PRKAR1B: variants seen among roughly 807,000 people sequenced by gnomAD.
PRKAR1B encodes the protein protein kinase cAMP-dependent type I regulatory subunit beta.
PRKAR1B carries 22 observed loss-of-function variants against 46.5 expected under a neutral mutation model. The observed-to-expected ratio is 0.47, with a 90% CI of 0.34 to 0.68. The LOEUF (loss-of-function observed/expected upper bound fraction) is 0.68. Ranked by LOEUF, PRKAR1B falls within the 30% of genes least tolerant of loss-of-function variation. The pLI, the probability that PRKAR1B is intolerant of heterozygous loss-of-function variation, is 0.01. For synonymous variants in PRKAR1B, 259 were observed against 217.7 expected (o/e 1.19, Z -1.67); for missense variants, 445 against 535.6 (o/e 0.83, Z 1.67).
chr7:603,707 TGGG>T (rs1781798609), intron 6 of PRKAR1B, among the ~76,000 whole-genome samples: 4 of 26,588 alleles, frequency 1.5e-4, no homozygotes, highest in African/African-American at 6.0e-4. Flanking sequence ...GTGGAGGGGA[TGGG>T]GGAGGAGGTG....
At chr7:658,922 G>A (rs917428989) in intron 4 of PRKAR1B, among the ~76,000 whole-genome samples, 5 of 152,112 alleles carry the variant, frequency 3.3e-5, no homozygotes, top group Admixed American at 6.5e-5. Context: ...AAATGCTGGG[G>A]TTATAGACAT....
In PRKAR1B at chr7:560,491, G is replaced by A. The variant is rs1778718598; in HGVS notation, c.892-9021C>T. 6.6e-6 allele frequency among the ~76,000 whole-genome samples: 1 copy of A among 152,126 alleles called. No homozygotes were observed. The highest frequency in any genetic ancestry group is 1.5e-5 in the Non-Finnish European group (1 of 68,020). Reference sequence around the variant, plus strand: ...CTAAAAGATTAAGCACAGCTGGAAAGGTGTTCAACACACGAGCTTAACCCA... The same window carrying A: ...CTAAAAGATTAAGCACAGCTGGAAAAGTGTTCAACACACGAGCTTAACCCA... On this transcript the variant is annotated intron_variant, in intron 9 of 10. Coordinates refer to ENST00000537384, the MANE Select transcript of PRKAR1B (RefSeq NM_001164760.2). This position sits in a 1 kb window ranked among gnomAD's most constrained non-coding sequence, Gnocchi z 4.2.
intron 6 of PRKAR1B, among the ~76,000 whole-genome samples, chr7:599,281 T>C (rs1265014544): frequency 6.6e-6 from 1 of 151,730 alleles, no homozygotes; most frequent in Non-Finnish European, 1.5e-5. Flanking sequence ...TCTTGTTGTG[T>C]TTCATTTTTT....
intron 4 of PRKAR1B, among the ~76,000 whole-genome samples, chr7:621,554 C>T (rs1029773440): frequency 3.9e-5 from 6 of 152,236 alleles, no homozygotes; most frequent in Non-Finnish European, 5.9e-5. Flanking sequence ...AAGGACTCCA[C>T]GTTTTCCACT....
intron 2 of PRKAR1B, among the ~76,000 whole-genome samples, chr7:708,816 G>A (rs1355015244): frequency 2.1e-5 from 3 of 144,540 alleles, no homozygotes; most frequent in Admixed American, 7.0e-5. Flanking sequence ...TTTCTGAGAC[G>A]GAGTCTCCCT....
chr7:555,883 C>A (rs766204055), intron 9 of PRKAR1B, among the ~76,000 whole-genome samples: 1 of 152,176 alleles, frequency 6.6e-6, no homozygotes, highest in Non-Finnish European at 1.5e-5. Context: ...GACGGGAGCC[C>A]GGGAGGCAGA....
At chr7:660,066 G>A (rs1167322374) in intron 4 of PRKAR1B, among the ~76,000 whole-genome samples, 2 of 152,010 alleles carry the variant, frequency 1.3e-5, no homozygotes, top group South Asian at 4.2e-4. Context: ...AGGTGCCGCC[G>A]CCTTGGGCTC....
chr7:622,941 C>A (rs1220352535), intron 4 of PRKAR1B, among the ~76,000 whole-genome samples: 2 of 152,134 alleles, frequency 1.3e-5, no homozygotes, highest in Non-Finnish European at 2.9e-5. Context: ...TGGGGAAGAA[C>A]CTCTCTCCAT....
intron 1 of PRKAR1B, among the ~76,000 whole-genome samples, chr7:716,020 A>G (rs1780870904): frequency 6.7e-6 from 1 of 148,954 alleles, no homozygotes; most frequent in Non-Finnish European, 1.5e-5. Flanking sequence ...CGGCCTAGCC[A>G]CATTCTTTAT....
At chr7:621,949 G>A (rs954191604) in intron 4 of PRKAR1B, among the ~76,000 whole-genome samples, 2 of 152,234 alleles carry the variant, frequency 1.3e-5, no homozygotes, top group African/African-American at 4.8e-5. Flanking sequence ...AGTGCTGCTA[G>A]AAGGGTCACA....
At chr7:562,347 C>T (rs1372475742) in intron 9 of PRKAR1B, among the ~76,000 whole-genome samples, 1 of 152,150 alleles carries the variant, frequency 6.6e-6, no homozygotes, top group Non-Finnish European at 1.5e-5. Flanking sequence ...GCTTCAACCC[C>T]AAGCGTCCCA....
intron 2 of PRKAR1B, among the ~76,000 whole-genome samples, chr7:695,030 C>CA (rs924223625): frequency 0.035 from 2,730 of 78,376 alleles, 64 homozygotes; most frequent in African/African-American, 0.084. Context: ...GACTCCGTCT[C>CA]AAAAAAAAAA....
At chr7:580,580 T>G (rs969023290) in intron 8 of PRKAR1B, among the ~76,000 whole-genome samples, 3 of 152,142 alleles carry the variant, frequency 2.0e-5, no homozygotes, top group African/African-American at 7.2e-5. Context: ...CATGCCAAGT[T>G]TATCTTTAAA....
At chr7:653,928 C>A (rs1785047597) in intron 4 of PRKAR1B, among the ~76,000 whole-genome samples, 2 of 150,904 alleles carry the variant, frequency 1.3e-5, no homozygotes, top group African/African-American at 4.9e-5. Context: ...ACCATCACCA[C>A]CACTATCTTC....
At position 711,543 on chromosome 7, in the gene PRKAR1B, A is replaced by C; in HGVS notation, c.-22-16T>G. 1 of 1,605,332 alleles carries C rather than the reference A, an allele frequency of 6.2e-7. No individual in the cohort carries two copies. Among genetic ancestry groups the C allele is most frequent in the Non-Finnish European group, 8.5e-7 (1 of 1,174,750 alleles). On this transcript the variant is annotated splice_polypyrimidine_tract_variant and intron_variant, in intron 1 of 10. Coordinates refer to ENST00000537384, the MANE Select transcript of PRKAR1B (RefSeq NM_001164760.2). Reference sequence around the variant, plus strand: ...TGCTTCCTTCCTGTCCAGAAAACACACAGATCCCCAGGCCTGAGAGCTGCC... The same window carrying C: ...TGCTTCCTTCCTGTCCAGAAAACACCCAGATCCCCAGGCCTGAGAGCTGCC...
intron 2 of PRKAR1B, among the ~76,000 whole-genome samples, chr7:698,479 T>A (rs1779889733): frequency 6.6e-6 from 1 of 151,740 alleles, no homozygotes; most frequent in Non-Finnish European, 1.5e-5. Context: ...TAGGTACGTA[T>A]GTGTTAGTGT....
At chr7:657,136 A>G (rs867946169) in intron 4 of PRKAR1B, among the ~76,000 whole-genome samples, 12 of 149,128 alleles carry the variant, frequency 8.0e-5, no homozygotes, top group Middle Eastern at 3.5e-3. Context: ...TAGATGGATG[A>G]ATGAATGAAT....
intron 6 of PRKAR1B, among the ~76,000 whole-genome samples, chr7:599,347 G>C (rs1322075135): frequency 3.9e-5 from 6 of 151,962 alleles, no homozygotes; most frequent in Admixed American, 3.9e-4. Flanking sequence ...CCTCAGGCTG[G>C]AGTGCAATGG....
chr7:659,098 G>C (rs1489222182), intron 4 of PRKAR1B, among the ~76,000 whole-genome samples: 1 of 150,420 alleles, frequency 6.6e-6, no homozygotes, highest in East Asian at 1.9e-4. Flanking sequence ...CACAAACCAT[G>C]AGGATGACAC....
Sources: allele counts gnomAD v4.1 joint callset (sites outside exome capture counted in the v4.1 genomes callset), GRCh38; gene constraint gnomAD v4.1.1; non-coding constraint Gnocchi (gnomAD v3.1); transcripts MANE v1.5; gene names NCBI Gene and HGNC (gene_info 2026-07-23, HGNC 2026-07-21).